ROBO1: variants seen among roughly 807,000 people sequenced by gnomAD.
ROBO1 encodes roundabout guidance receptor 1.
ROBO1 carries 149 observed loss-of-function variants against 195.9 expected under a neutral mutation model. The observed-to-expected ratio is 0.76, with a 90% CI of 0.67 to 0.87. The LOEUF (loss-of-function observed/expected upper bound fraction) is 0.87, where lower values mean the gene tolerates loss of function less well. Ranked by LOEUF, ROBO1 falls within the 40% of genes least tolerant of loss-of-function variation. The pLI, the probability that ROBO1 is intolerant of heterozygous loss-of-function variation, is 0.00. For synonymous variants in ROBO1, 816 were observed against 733.2 expected (o/e 1.11, Z -1.82); for missense variants, 1,933 against 2,068.3 (o/e 0.93, Z 1.27).
At chr3:78,884,860 C>T (rs867178353) in intron 4 of ROBO1, among the ~76,000 whole-genome samples, 12 of 88,022 alleles carry the variant, frequency 1.4e-4, no homozygotes, top group African/African-American at 4.1e-4. Context: ...CTCTCTCTCT[C>T]TCTTTCTGTG....
intron 4 of ROBO1, among the ~76,000 whole-genome samples, chr3:78,857,713 T>C (rs2034540789): frequency 6.6e-6 from 1 of 152,186 alleles, no homozygotes; most frequent in Admixed American, 6.5e-5. Flanking sequence ...TGGTGCACAG[T>C]GAAATGTATA....
At chr3:79,232,256 A>T (rs777204600) in intron 2 of ROBO1, among the ~76,000 whole-genome samples, 2,557 of 146,438 alleles carry the variant, frequency 0.017, 49 homozygotes, top group Non-Finnish European at 0.021. Context: ...TTAAAAAAAA[A>T]AAAAATATAT....
chr3:79,172,688 A>G (rs1378787912), intron 2 of ROBO1, among the ~76,000 whole-genome samples: 1 of 151,762 alleles, frequency 6.6e-6, no homozygotes, highest in African/African-American at 2.4e-5. Context: ...TTATCTTTCC[A>G]ACTATTCCCT....
chr3:79,678,919 TA>T (rs1366673397), intron 1 of ROBO1, among the ~76,000 whole-genome samples: 1 of 152,064 alleles, frequency 6.6e-6, no homozygotes, highest in African/African-American at 2.4e-5. Flanking sequence ...TGCTCTTTTA[TA>T]AAACACTTAA....
intron 1 of ROBO1, among the ~76,000 whole-genome samples, chr3:79,744,123 A>G (rs1012611039): frequency 1.3e-5 from 2 of 152,224 alleles, no homozygotes; most frequent in South Asian, 4.1e-4. Flanking sequence ...ATTTTTTTAC[A>G]TCAGCACCAC....
chr3:79,462,820 G>C (rs368442592), intron 2 of ROBO1, among the ~76,000 whole-genome samples: 7 of 152,234 alleles, frequency 4.6e-5, no homozygotes, highest in East Asian at 1.9e-4. Context: ...CAAGTGAGTA[G>C]ATGAATTAAT....
intron 2 of ROBO1, among the ~76,000 whole-genome samples, chr3:79,443,598 T>G (rs556881804): frequency 6.6e-6 from 1 of 152,240 alleles, no homozygotes; most frequent in Admixed American, 6.5e-5. Flanking sequence ...CAACAAATAT[T>G]ACAATGATAT....
At chr3:78,840,934 C>T (rs1084640) in intron 4 of ROBO1, among the ~76,000 whole-genome samples, 129 of 151,416 alleles carry the variant, frequency 8.5e-4, no homozygotes, top group Admixed American at 2.2e-3. Context: ...TGGTGGTGGG[C>T]GCCTGTAGTC....
rs111833604 is a variant in ROBO1 at position 78,948,713 on chromosome 3, T to G, written c.173-9786A>C. The stretch of plus-strand genomic sequence containing the variant: ...AAAGGGTATTCAATTAGGAAAAGAG[T>G]AAGTCAAACTGTCCCTCTTTGCAGA... On this transcript the variant is annotated intron_variant, in intron 3 of 30. Coordinates refer to ENST00000464233, the MANE Select transcript of ROBO1 (RefSeq NM_002941.4). Among the ~76,000 whole-genome samples the G allele has an allele frequency of 2.0e-3, 308 of 151,972 alleles. 6 individuals carry two copies. The highest frequency in any genetic ancestry group is 5.6e-3 in the African/African-American group (234 of 41,444).
In ROBO1 at chr3:79,668,533, G is replaced by C. The variant is rs540514839; in HGVS notation, c.-50-78572C>G. Among the ~76,000 whole-genome samples the C allele has an allele frequency of 5.9e-5, 9 of 151,640 alleles. No homozygotes were observed. In the South Asian group the frequency reaches 1.9e-3, roughly 31 times the overall value. ...AAGAATTTTTATTTATTTTCTTTCA[G>C]TCACTCAATGCAATTCCTTGCATCA... On this transcript the variant is annotated intron_variant, in intron 1 of 30. Transcript: ENST00000464233.
intron 3 of ROBO1, among the ~76,000 whole-genome samples, chr3:78,968,300 A>C (rs1173644454): frequency 7.1e-6 from 1 of 140,912 alleles, no homozygotes; most frequent in Non-Finnish European, 1.5e-5. Flanking sequence ...TTTAAGGCAG[A>C]GTCTCACTCT....
intron 4 of ROBO1, among the ~76,000 whole-genome samples, chr3:78,927,550 G>A (rs953726100): frequency 1.3e-5 from 2 of 152,146 alleles, no homozygotes; most frequent in East Asian, 1.9e-4. Context: ...AAGTCTTACA[G>A]AAAAGAGGTA....
intron 26 of ROBO1, among the ~76,000 whole-genome samples, chr3:78,624,112 G>A (rs758418782): frequency 2.0e-5 from 3 of 152,054 alleles, no homozygotes; most frequent in Non-Finnish European, 4.4e-5. Flanking sequence ...ATAACAACGT[G>A]AAAAAATGCT....
At chr3:78,884,868 G>C (rs1038115664) in intron 4 of ROBO1, among the ~76,000 whole-genome samples, 8 of 147,782 alleles carry the variant, frequency 5.4e-5, no homozygotes, top group Admixed American at 2.7e-4. Context: ...CTCTCTTTCT[G>C]TGTGTGTGTG....
chr3:78,647,598 G>A, intron 20 of ROBO1, 31 bp downstream of exon 20: 3 of 1,599,988 alleles, frequency 1.9e-6, no homozygotes, highest in Non-Finnish European at 2.6e-6. Flanking sequence ...AACTAACAAT[G>A]GAAAGGAGGA....
intron 3 of ROBO1, among the ~76,000 whole-genome samples, chr3:78,994,253 T>A (rs1442587939): frequency 6.6e-6 from 1 of 152,128 alleles, no homozygotes; most frequent in Non-Finnish European, 1.5e-5. Flanking sequence ...CTCCAAGATT[T>A]GAATTCAACC....
chr3:78,696,210 T>C (rs1456485266), intron 8 of ROBO1, among the ~76,000 whole-genome samples: 1 of 151,312 alleles, frequency 6.6e-6, no homozygotes. Flanking sequence ...GAGGCTGCAC[T>C]CCTATCCTTC....
intron 2 of ROBO1, among the ~76,000 whole-genome samples, chr3:79,453,005 G>A (rs887183421): frequency 3.3e-5 from 5 of 151,994 alleles, no homozygotes; most frequent in Non-Finnish European, 7.4e-5. Context: ...CATACATATT[G>A]TACATAAAGA....
intron 6 of ROBO1, 40 bp downstream of exon 6, chr3:78,717,723 T>C: frequency 6.3e-7 from 1 of 1,599,316 alleles, no homozygotes; most frequent in Non-Finnish European, 8.5e-7. Context: ...TGATAAGAGA[T>C]CTATTTTTCA....
Sources: allele counts gnomAD v4.1 joint callset (sites outside exome capture counted in the v4.1 genomes callset), GRCh38; gene constraint gnomAD v4.1.1; transcripts MANE v1.5; gene names NCBI Gene and HGNC (gene_info 2026-07-23, HGNC 2026-07-21).